Variants in COLEC10 observed in about 807,000 individuals in gnomAD.
The protein encoded by COLEC10 is collectin subfamily member 10.
Under a neutral mutation model 28.4 loss-of-function variants are expected in COLEC10, and 22 were observed. That is an observed-to-expected ratio of 0.78 (90% CI 0.55 to 1.11). COLEC10 has a LOEUF of 1.11. Among genes scored for constraint, COLEC10 ranks in the 50% least tolerant of loss-of-function variants. COLEC10 has a pLI of 0.00. For synonymous variants in COLEC10, 125 were observed against 116.1 expected, an observed-to-expected ratio of 1.08 and a Z score of -0.49; for missense variants, 361 against 344.1, an observed-to-expected ratio of 1.05 and a Z score of -0.39.
the COLEC10 span, among the ~76,000 whole-genome samples, chr8:118,958,168 T>A: frequency 1.3e-5 from 2 of 152,184 alleles, no homozygotes; most frequent in African/African-American, 2.4e-5. Flanking sequence ...AAAAGCAGCC[T>A]ACTTTCATCA....
chr8:119,017,336 A>T (rs1214664376), intron 2 of COLEC10, among the ~76,000 whole-genome samples: 1 of 152,162 alleles, frequency 6.6e-6, no homozygotes, highest in Admixed American at 6.5e-5. Context: ...CAAGAAAATG[A>T]TACCCTTTGG....
chr8:119,065,637 A>T (rs1814939515), upstream of COLEC10, among the ~76,000 whole-genome samples: 1 of 152,112 alleles, frequency 6.6e-6, no homozygotes, highest in Non-Finnish European at 1.5e-5. Context: ...TGGATGGATC[A>T]TTTGAGATCA....
rs1815967640 is a variant in COLEC10, at chr8:119,107,263, A to C, written c.*1072A>C. Among the ~76,000 whole-genome samples the C allele has an allele frequency of 1.3e-5, 2 of 152,168 alleles. No individual in the cohort carries two copies. Among genetic ancestry groups the C allele is most frequent in the Admixed American group, 1.3e-4 (2 of 15,270 alleles). ...ATATATGTCATAGAAATCCTACTGG[A>C]GATGTCCCTTCTAATACTCTGGCAT... On this transcript the variant is annotated 3_prime_UTR_variant, in exon 6 of 6. Transcript: ENST00000332843.
At chr8:119,075,012 T>C (rs747800819) in intron 1 of COLEC10, among the ~76,000 whole-genome samples, 2 of 152,190 alleles carry the variant, frequency 1.3e-5, no homozygotes, top group Non-Finnish European at 2.9e-5. Flanking sequence ...GCTCTGTAAA[T>C]AAGAGCAAAC....
At chr8:118,983,673 G>A in the COLEC10 span, among the ~76,000 whole-genome samples, 26 of 152,138 alleles carry the variant, frequency 1.7e-4, no homozygotes, top group African/African-American at 6.3e-4. Context: ...AGTGGGCAAA[G>A]GATATGAACA....
intron 1 of COLEC10, among the ~76,000 whole-genome samples, chr8:119,001,502 G>A (rs1209135665): frequency 1.3e-5 from 2 of 152,044 alleles, no homozygotes; most frequent in Non-Finnish European, 2.9e-5. Flanking sequence ...GCAAAGTAAT[G>A]GGCCAAGCAC....
chr8:119,095,352 T>C (rs1421639745), intron 3 of COLEC10, among the ~76,000 whole-genome samples: 1 of 152,170 alleles, frequency 6.6e-6, no homozygotes, highest in Non-Finnish European at 1.5e-5. Context: ...CTCAATATTG[T>C]TAATATGCCA....
In COLEC10 at chr8:119,067,382, C is replaced by G. The variant is rs767318565; in HGVS notation, c.101C>G (p.Pro34Arg). The change falls in exon 1 of 6, where the codon CCT becomes CGT. Residue 34 changes from proline (P) to arginine (R), a missense_variant. This residue lies in a region of COLEC10 where 335 missense variants were observed against 308.5 expected (regional missense o/e 1.09). Transcript: ENST00000332843. The part of the protein sequence containing the change: ...QSLGLDIDSR[P>R]TAEVCATHTI... ...CTGGGTCTGGATATTGATAGCCGTC[C>G]TACCGCTGAAGTCTGTGCCACACAC... The G allele has an allele frequency of 7.4e-6, 12 of 1,613,880 alleles. No homozygotes were observed. The East Asian group carries it at 2.7e-4, about 36-fold the overall frequency.
At chr8:119,028,253 T>C (rs890384394) in intron 2 of COLEC10, among the ~76,000 whole-genome samples, 13 of 152,186 alleles carry the variant, frequency 8.5e-5, no homozygotes, top group African/African-American at 2.7e-4. Flanking sequence ...ATACATATCA[T>C]ATATTACATT....
chr8:119,008,934 C>A (rs1813856528), intron 1 of COLEC10, among the ~76,000 whole-genome samples: 1 of 151,082 alleles, frequency 6.6e-6, no homozygotes, highest in Non-Finnish European at 1.5e-5. Flanking sequence ...GCAATTCCTT[C>A]TTTCTTCCTT....
At chr8:119,061,110 A>G (rs1363401696) in intron 2 of COLEC10, among the ~76,000 whole-genome samples, 1 of 152,128 alleles carries the variant, frequency 6.6e-6, no homozygotes, top group Non-Finnish European at 1.5e-5. Flanking sequence ...TTTTATAACT[A>G]TAAAGGATGT....
At chr8:119,074,182 G>T (rs1815180682) in intron 1 of COLEC10, among the ~76,000 whole-genome samples, 1 of 151,462 alleles carries the variant, frequency 6.6e-6, no homozygotes, top group South Asian at 2.1e-4. Flanking sequence ...ACAATTAATG[G>T]GTACAAAAAT....
intron 2 of COLEC10, among the ~76,000 whole-genome samples, chr8:119,017,725 T>C (rs1284370702): frequency 6.6e-6 from 1 of 152,166 alleles, no homozygotes; most frequent in Non-Finnish European, 1.5e-5. Context: ...CTATTGGTGT[T>C]TTTCTTACTC....
chr8:119,075,146 C>T (rs1042243849), intron 1 of COLEC10, among the ~76,000 whole-genome samples: 6 of 152,124 alleles, frequency 3.9e-5, no homozygotes, highest in African/African-American at 1.4e-4. Flanking sequence ...ATTCTACTGG[C>T]CTTGGGTCAT....
At chr8:118,959,002 T>G in the COLEC10 span, among the ~76,000 whole-genome samples, 18 of 152,196 alleles carry the variant, frequency 1.2e-4, no homozygotes, top group African/African-American at 4.3e-4. Flanking sequence ...AGATATTTGT[T>G]GGAGGTAGCA....
the COLEC10 span, among the ~76,000 whole-genome samples, chr8:118,982,087 A>C: frequency 4.6e-5 from 7 of 152,188 alleles, no homozygotes; most frequent in Admixed American, 4.6e-4. Context: ...TCAGTCCGAC[A>C]TGATTGGCAG....
Position 119,107,125 on chromosome 8 carries a change from G to C in COLEC10, c.*934G>C, listed in dbSNP as rs1444334683. On this transcript the variant is annotated 3_prime_UTR_variant, in exon 6 of 6. Transcript: ENST00000332843. The stretch of plus-strand genomic sequence containing the variant: ...AGGGAAGGAGTTTGTGAAGCCTTAA[G>C]AAAATTCTGGAAGCTTCAAAGTGCT... 6.6e-6 allele frequency among the ~76,000 whole-genome samples: 1 copy of C among 152,184 alleles called. No homozygotes were observed. Among genetic ancestry groups the C allele is most frequent in the Non-Finnish European group, 1.5e-5 (1 of 68,030 alleles).
the COLEC10 span, among the ~76,000 whole-genome samples, chr8:118,976,244 G>A: frequency 1.3e-5 from 2 of 151,958 alleles, no homozygotes; most frequent in African/African-American, 4.8e-5. Flanking sequence ...CACTGGTTTT[G>A]AACATTTAGT....
chr8:119,029,400 T>A (rs921693454), intron 2 of COLEC10, among the ~76,000 whole-genome samples: 2 of 152,138 alleles, frequency 1.3e-5, no homozygotes, highest in Non-Finnish European at 2.9e-5. Flanking sequence ...ACTATTTCTT[T>A]GTCTTTCAAG....
Sources: gnomAD v4.1 joint callset for allele counts (sites outside exome capture counted in the v4.1 genomes callset) on GRCh38, gnomAD v4.1.1 for gene constraint, gnomAD v4.1.1 regional missense constraint, MANE v1.5 for transcripts, NCBI Gene and HGNC (gene_info 2026-07-23, HGNC 2026-07-21) for gene names.